Variants in PRIM2 observed in about 807,000 individuals in gnomAD.
PRIM2 encodes DNA primase subunit 2.
Under a neutral mutation model 67.3 loss-of-function variants are expected in PRIM2, and 39 were observed. That is an observed-to-expected ratio of 0.58 (90% CI 0.45 to 0.76). The LOEUF (loss-of-function observed/expected upper bound fraction) is 0.76, where lower values mean the gene tolerates loss of function less well. PRIM2 is among the 30% of genes least tolerant of loss of function. The pLI is 0.00. For synonymous variants in PRIM2, 143 were observed against 198.7 expected, an observed-to-expected ratio of 0.72 and a Z score of 2.36; for missense variants, 398 against 598.7, an observed-to-expected ratio of 0.66 and a Z score of 3.50.
intron 10 of PRIM2, among the ~76,000 whole-genome samples, chr6:57,579,138 T>C (rs1776027648): frequency 6.7e-6 from 1 of 150,250 alleles, no homozygotes; most frequent in African/African-American, 2.4e-5. Flanking sequence ...ACATACGTTT[T>C]TTCTAATTCT....
chr6:57,415,000 T>C (rs1771211292), intron 7 of PRIM2, among the ~76,000 whole-genome samples: 1 of 152,272 alleles, frequency 6.6e-6, no homozygotes, highest in South Asian at 2.1e-4. Context: ...GTTTCTGAAG[T>C]GCTTTCTACA....
intron 7 of PRIM2, among the ~76,000 whole-genome samples, chr6:57,506,712 CAT>C (rs1774258405): frequency 6.6e-6 from 1 of 151,918 alleles, no homozygotes; most frequent in Non-Finnish European, 1.5e-5. Context: ...AATAGAGATA[CAT>C]AGATATATAA....
chr6:57,464,450 A>G (rs2397317), intron 7 of PRIM2, among the ~76,000 whole-genome samples: 4,975 of 151,700 alleles, frequency 0.033, 266 homozygotes, highest in African/African-American at 0.11. Flanking sequence ...GCTAATTTTT[A>G]TGTTTTCAGT....
rs201654982 is a variant in PRIM2 at position 57,454,948 on chromosome 6, G to C, written c.694-52439G>C. Among the ~76,000 whole-genome samples the C allele has an allele frequency of 4.8e-4, 73 of 152,146 alleles. 1 individual carries two copies. The highest frequency in any genetic ancestry group is 1.1e-3 in the African/African-American group (46 of 41,522). ...AGTGCTATAAATTTCCCTCTACACA[G>C]TGCTTTGAATGTGTCCCAGAGATTC... On this transcript the variant is annotated intron_variant, in intron 7 of 13. Transcript: ENST00000615550.
intron 7 of PRIM2, chr6:57,382,606 T>C (rs1770001140): frequency 6.5e-6 from 1 of 152,996 alleles, no homozygotes; most frequent in South Asian, 2.1e-4. Context: ...ATGCTAGTGC[T>C]GCAATGAGTA....
intron 8 of PRIM2, among the ~76,000 whole-genome samples, chr6:57,529,322 A>T (rs2127467228): frequency 6.6e-6 from 1 of 152,258 alleles, no homozygotes; most frequent in South Asian, 2.1e-4. Context: ...TCAAAAAAAA[A>T]AAACAAAAAA....
intron 7 of PRIM2, among the ~76,000 whole-genome samples, chr6:57,464,924 GAGA>G: frequency 6.6e-6 from 1 of 152,118 alleles, no homozygotes; most frequent in Non-Finnish European, 1.5e-5. Context: ...TAAGAAAGTT[GAGA>G]CTCAGAAATT....
At chr6:57,390,855 A>C (rs1312959269) in intron 7 of PRIM2, among the ~76,000 whole-genome samples, 1 of 152,172 alleles carries the variant, frequency 6.6e-6, no homozygotes, top group South Asian at 2.1e-4. Flanking sequence ...ATTGGTGTAC[A>C]TATGTCTTGA....
intron 8 of PRIM2, among the ~76,000 whole-genome samples, chr6:57,512,395 A>G (rs1208643351): frequency 3.3e-5 from 5 of 152,022 alleles, no homozygotes; most frequent in Admixed American, 6.6e-5. Context: ...TGAAGGGGCA[A>G]TGTTTTAGGA....
chr6:57,521,424 A>G (rs1774621910), intron 8 of PRIM2, among the ~76,000 whole-genome samples: 1 of 138,502 alleles, frequency 7.2e-6, no homozygotes, highest in Non-Finnish European at 1.5e-5. Flanking sequence ...TTGTGATTGC[A>G]AAAAATAGAT....
At chr6:57,400,625 C>G (rs1254184366) in intron 7 of PRIM2, among the ~76,000 whole-genome samples, 1 of 152,126 alleles carries the variant, frequency 6.6e-6, no homozygotes, top group Non-Finnish European at 1.5e-5. Flanking sequence ...TCTGTATTTC[C>G]TGAATTTAAC....
intron 7 of PRIM2, among the ~76,000 whole-genome samples, chr6:57,409,677 A>G (rs1395787492): frequency 2.6e-5 from 4 of 152,212 alleles, no homozygotes; most frequent in African/African-American, 9.6e-5. Flanking sequence ...TGGATGTATG[A>G]TGATATCTCA....
chr6:57,495,287 T>A (rs1412365750), intron 7 of PRIM2, among the ~76,000 whole-genome samples: 1 of 152,216 alleles, frequency 6.6e-6, no homozygotes, highest in Non-Finnish European at 1.5e-5. Flanking sequence ...TATCTGATTA[T>A]TTCAGTTAGA....
chr6:57,517,701 C>CTA (rs1248369650), intron 8 of PRIM2, among the ~76,000 whole-genome samples: 1 of 152,010 alleles, frequency 6.6e-6, no homozygotes, highest in Admixed American at 6.6e-5. Flanking sequence ...CCTGGAAAAG[C>CTA]TATATGTATG....
chr6:57,263,532 C>T, the PRIM2 span, among the ~76,000 whole-genome samples: 1 of 151,532 alleles, frequency 6.6e-6, no homozygotes, highest in African/African-American at 2.4e-5. Context: ...CCTTATAAGG[C>T]CATCAGTCAC....
chr6:57,606,275 A>G (rs1205107611), intron 11 of PRIM2, 100 bp from the exon 12 acceptor site: 7 of 840,288 alleles, frequency 8.3e-6, no homozygotes, highest in Admixed American at 2.2e-5. Flanking sequence ...ATAAGCTGTT[A>G]GACAATTAAG....
At chr6:57,414,652 C>T (rs1581882798) in intron 7 of PRIM2, among the ~76,000 whole-genome samples, 1 of 152,056 alleles carries the variant, frequency 6.6e-6, no homozygotes, top group Non-Finnish European at 1.5e-5. Flanking sequence ...ATGGTAGTAG[C>T]GGATGAAACA....
upstream of PRIM2, among the ~76,000 whole-genome samples, chr6:57,311,622 G>T (rs1020042263): frequency 6.6e-6 from 1 of 152,184 alleles, no homozygotes; most frequent in Non-Finnish European, 1.5e-5. Flanking sequence ...CTTCCTAGAC[G>T]GGGTGACCGG....
intron 7 of PRIM2, among the ~76,000 whole-genome samples, chr6:57,413,557 T>A (rs1333426318): frequency 6.6e-6 from 1 of 152,084 alleles, no homozygotes; most frequent in African/African-American, 2.4e-5. Context: ...AACTCTTGAA[T>A]ATCAGCATGG....
Sources: gnomAD v4.1 joint callset for allele counts (sites outside exome capture counted in the v4.1 genomes callset) on GRCh38, gnomAD v4.1.1 for gene constraint, MANE v1.5 for transcripts, NCBI Gene and HGNC (gene_info 2026-07-23, HGNC 2026-07-21) for gene names.